The following ANKRD13C variants were observed in gnomAD, a reference collection of about 807,000 sequenced individuals.
ANKRD13C encodes ankyrin repeat domain-containing protein 13C.
A neutral mutation model predicts 65.5 loss-of-function variants in ANKRD13C; 16 were observed. That is an observed-to-expected ratio of 0.24 (90% CI 0.17 to 0.37). The LOEUF (loss-of-function observed/expected upper bound fraction) is 0.37. Ranked by LOEUF, ANKRD13C falls within the 10% of genes least tolerant of loss-of-function variation. ANKRD13C has a pLI of 1.00. For missense variants in ANKRD13C, 503 were observed against 655.9 expected (o/e 0.77, Z 2.55); for synonymous variants, 235 against 238.7 (o/e 0.98, Z 0.14).
chr1:70,270,642 G>A (rs1678838252), intron 12 of ANKRD13C, among the ~76,000 whole-genome samples: 1 of 152,078 alleles, frequency 6.6e-6, no homozygotes, highest in Non-Finnish European at 1.5e-5. Context: ...AGAATCTAAT[G>A]CCACCACTGA....
chr1:70,342,460 C>G (rs1199689129), intron 1 of ANKRD13C, among the ~76,000 whole-genome samples: 2 of 152,088 alleles, frequency 1.3e-5, no homozygotes, highest in African/African-American at 4.8e-5. Context: ...ATCGCTTGAA[C>G]CCGGGAGGCA....
intron 12 of ANKRD13C, among the ~76,000 whole-genome samples, chr1:70,269,901 T>C (rs886603259): frequency 6.6e-6 from 1 of 152,198 alleles, no homozygotes; most frequent in Non-Finnish European, 1.5e-5. Flanking sequence ...ATTACAGCAC[T>C]CATTAAATAC....
intron 6 of ANKRD13C, 28 bp from the exon 7 acceptor site, chr1:70,300,936 C>T: frequency 2.5e-6 from 4 of 1,584,994 alleles, no homozygotes; most frequent in Non-Finnish European, 3.4e-6. Context: ...ATGATAAACT[C>T]TGACAAATAT....
At chr1:70,262,958 A>AAAAAT (rs1678450469) in intron 12 of ANKRD13C, 111 bp from the exon 13 acceptor site, 1 of 901,190 alleles carries the variant, frequency 1.1e-6, no homozygotes, top group Non-Finnish European at 1.6e-6. Flanking sequence ...AAAAAAAAAA[A>AAAAAT]AATACTCAAG....
At chr1:70,282,696 TA>T (rs1227279327) in intron 9 of ANKRD13C, among the ~76,000 whole-genome samples, 4 of 152,098 alleles carry the variant, frequency 2.6e-5, no homozygotes, top group Non-Finnish European at 4.4e-5. Flanking sequence ...GGCAAAACAT[TA>T]GGTAAAATAG....
chr1:70,292,247 A>C, intron 9 of ANKRD13C, 141 bp downstream of exon 9: 1 of 598,352 alleles, frequency 1.7e-6, no homozygotes, highest in Non-Finnish European at 2.6e-6. Context: ...GACATCAACG[A>C]AATGAAGATT....
intron 1 of ANKRD13C, among the ~76,000 whole-genome samples, chr1:70,343,703 T>C (rs1192299272): frequency 1.3e-5 from 2 of 152,156 alleles, no homozygotes; most frequent in East Asian, 1.9e-4. Flanking sequence ...CGACTAATTT[T>C]TGTATTTTTA....
Position 70,288,671 on chromosome 1 carries a change from C to T in ANKRD13C, c.1215+3717G>A, listed in dbSNP as rs191501578. ...GTACTATATGATTCCATTTATAGAA[C>T]ATCCTTGAAACAGCAACACTAAAGA... is the stretch of plus-strand genomic sequence containing the variant. On this transcript the variant is annotated intron_variant, in intron 9 of 12. Coordinates refer to ENST00000370944, the MANE Select transcript of ANKRD13C (RefSeq NM_030816.5). 3.5e-3 allele frequency among the ~76,000 whole-genome samples: 530 copies of T among 152,262 alleles called. 6 individuals are homozygous for T. In the South Asian group the frequency reaches 0.036, roughly 10 times the overall value.
chr1:70,335,144 C>T (rs1317332818), intron 2 of ANKRD13C, among the ~76,000 whole-genome samples: 2 of 151,914 alleles, frequency 1.3e-5, no homozygotes, highest in Non-Finnish European at 2.9e-5. Flanking sequence ...CGGTGGCTCA[C>T]ACCTGTAATC....
intron 4 of ANKRD13C, among the ~76,000 whole-genome samples, chr1:70,315,170 A>G (rs1681022364): frequency 6.6e-6 from 1 of 152,206 alleles, no homozygotes; most frequent in South Asian, 2.1e-4. Context: ...CAATGGCTTT[A>G]GCTATAGAGA....
chr1:70,285,443 C>T (rs545014797), intron 9 of ANKRD13C, among the ~76,000 whole-genome samples: 1 of 152,022 alleles, frequency 6.6e-6, no homozygotes, highest in Admixed American at 6.6e-5. Flanking sequence ...GATCCGGTCG[C>T]CTCAGCCTCA....
chr1:70,345,482 T>C (rs943612242), intron 1 of ANKRD13C, among the ~76,000 whole-genome samples: 1 of 152,194 alleles, frequency 6.6e-6, no homozygotes, highest in African/African-American at 2.4e-5. Context: ...AATAAGTTTT[T>C]TGTACTGTAT....
At chr1:70,276,265 C>T (rs1679130676) in intron 10 of ANKRD13C, among the ~76,000 whole-genome samples, 1 of 152,058 alleles carries the variant, frequency 6.6e-6, no homozygotes, top group Non-Finnish European at 1.5e-5. Flanking sequence ...AGTAATATTA[C>T]ATCAGCAAAG....
chr1:70,293,088 C>T (rs532179851), intron 8 of ANKRD13C, among the ~76,000 whole-genome samples: 68 of 152,262 alleles, frequency 4.5e-4, no homozygotes, highest in Middle Eastern at 3.4e-3. Flanking sequence ...TTACAGCTGC[C>T]TGTTTTCAAC....
intron 4 of ANKRD13C, 43 bp downstream of exon 4, chr1:70,315,438 A>C (rs1221232699): frequency 6.6e-7 from 1 of 1,514,738 alleles, no homozygotes; most frequent in Non-Finnish European, 9.0e-7. Context: ...CTACACTTAT[A>C]ATTACTTCCA....
chr1:70,284,658 C>T (rs1679540103), intron 9 of ANKRD13C, among the ~76,000 whole-genome samples: 1 of 152,234 alleles, frequency 6.6e-6, no homozygotes, highest in African/African-American at 2.4e-5. Context: ...ATCTCTGCTT[C>T]TCTATCTTCG....
At chr1:70,307,676 C>T (rs1046293662) in intron 5 of ANKRD13C, among the ~76,000 whole-genome samples, 6 of 152,044 alleles carry the variant, frequency 3.9e-5, no homozygotes, top group East Asian at 1.9e-4. Flanking sequence ...CAGCTGGGCA[C>T]GGTTTGGCTA....
chr1:70,340,121 A>G (rs1246314247), intron 1 of ANKRD13C, among the ~76,000 whole-genome samples: 1 of 151,978 alleles, frequency 6.6e-6, no homozygotes, highest in Admixed American at 6.6e-5. Flanking sequence ...AAATATTGGG[A>G]TTATAGGCAT....
chr1:70,260,391 C>G lies in ANKRD13C; in HGVS notation c.*2326G>C, dbSNP rs1310243695. Among the ~76,000 whole-genome samples the G allele has an allele frequency of 6.6e-6, 1 of 152,090 alleles. No individual in the cohort carries two copies. ...TAAATGGCTATTGAAGATGACTATACGATTGTCCCCCTACCAATTTAAACA... is the reference window on the plus strand; with the variant it reads ...TAAATGGCTATTGAAGATGACTATAGGATTGTCCCCCTACCAATTTAAACA... On this transcript the variant is annotated 3_prime_UTR_variant, in exon 13 of 13. Coordinates refer to ENST00000370944, the MANE Select transcript of ANKRD13C (RefSeq NM_030816.5).
Sources: allele counts gnomAD v4.1 joint callset (sites outside exome capture counted in the v4.1 genomes callset), GRCh38; gene constraint gnomAD v4.1.1; transcripts MANE v1.5; gene names NCBI Gene and HGNC (gene_info 2026-07-23, HGNC 2026-07-21).